Variants in NBAS observed in about 807,000 individuals in gnomAD.
The protein encoded by NBAS is NAG/BC035112 fusion.
Under a neutral mutation model 302.5 loss-of-function variants are expected in NBAS, and 219 were observed. The observed-to-expected ratio is 0.72, with a 90% CI of 0.65 to 0.81. The LOEUF is 0.81. Ranked by LOEUF, NBAS falls within the 30% of genes least tolerant of loss-of-function variation. The probability of loss-of-function intolerance (pLI) is 0.00; values close to 1 mark genes in which losing one functional copy is unlikely to be tolerated. For synonymous variants in NBAS, 1,118 were observed against 1,021.6 expected, an observed-to-expected ratio of 1.09 and a Z score of -1.80; for missense variants, 2,932 against 2,841.6, an observed-to-expected ratio of 1.03 and a Z score of -0.72.
At chr2:15,139,730 C>T in the NBAS span, among the ~76,000 whole-genome samples, 2 of 152,140 alleles carry the variant, frequency 1.3e-5, no homozygotes, top group Non-Finnish European at 2.9e-5. Context: ...AGTAGTCCTT[C>T]ATCTGAGAAT....
the NBAS span, among the ~76,000 whole-genome samples, chr2:15,150,219 T>A: frequency 6.6e-6 from 1 of 152,198 alleles, no homozygotes; most frequent in Non-Finnish European, 1.5e-5. Flanking sequence ...AGAAATGGTA[T>A]GAAATTCCTA....
the NBAS span, among the ~76,000 whole-genome samples, chr2:15,055,402 T>C: frequency 6.6e-6 from 1 of 152,168 alleles, no homozygotes; most frequent in Non-Finnish European, 1.5e-5. Context: ...GCCCTTCTTC[T>C]ACCTTCTCCT....
At chr2:15,188,253 T>C (rs1274370653) in intron 49 of NBAS, among the ~76,000 whole-genome samples, 1 of 152,252 alleles carries the variant, frequency 6.6e-6, no homozygotes, top group Non-Finnish European at 1.5e-5. Context: ...AAACCAAAGT[T>C]GGTACTAGTA....
chr2:15,386,108 A>G lies in NBAS; in HGVS notation c.3258-2791T>C, dbSNP rs150531357. The stretch of plus-strand genomic sequence containing the variant: ...TTCCTAACTGAGGTGTATGGTGGCT[A>G]TAACACTTGCACTGGAGAAATTATG... On this transcript the variant is annotated intron_variant, in intron 28 of 51. Transcript: ENST00000281513. Among the ~76,000 whole-genome samples the G allele has an allele frequency of 5.1e-3, 774 of 152,326 alleles. 9 individuals carry two copies. Among genetic ancestry groups the G allele is most frequent in the African/African-American group, 0.017 (707 of 41,572 alleles).
At chr2:15,484,929 C>T (rs1680562688) in intron 12 of NBAS, among the ~76,000 whole-genome samples, 1 of 152,088 alleles carries the variant, frequency 6.6e-6, no homozygotes, top group African/African-American at 2.4e-5. Context: ...CTATAATACA[C>T]TAGATTTTAG....
Position 15,366,679 on chromosome 2 carries a change from C to A in NBAS, c.3718G>T (p.Asp1240Tyr). ...ILPLQVRLCP[D>Y]RISLIKECIS... ...CACTCCTTGATGAGACTGATCCGAT[C>A]AGGGCACAATCGCACTACAAAAGAA... Residue 1240 changes from aspartate (D) to tyrosine (Y), a missense_variant, in exon 32 of 52, where the codon GAT (aspartate) becomes TAT (tyrosine). Coordinates refer to ENST00000281513, the MANE Select transcript of NBAS (RefSeq NM_015909.4). 1 of 1,613,998 alleles carries A rather than the reference C, an allele frequency of 6.2e-7. No homozygotes were observed. Among genetic ancestry groups the A allele is most frequent in the Non-Finnish European group, 8.5e-7 (1 of 1,179,958 alleles).
In NBAS at chr2:15,327,795, A is replaced by G. The variant is rs987872712; in HGVS notation, c.4537T>C (p.Leu1513=). 85 of 1,613,508 alleles carry G rather than the reference A, an allele frequency of 5.3e-5. No homozygotes were observed. The highest frequency in any genetic ancestry group is 6.3e-5 in the Non-Finnish European group (74 of 1,179,792). The stretch of plus-strand genomic sequence containing the variant: ...TCTCCTTTATTTTTAGCCTCTGCCA[A>G]TTTTCCAGTTCTCAGCAATACTTCT... ...FAEVLLRTGK[L]AEAKNKGEVF... The change falls in exon 38 of 52, where the codon TTG becomes CTG. Residue 1513 remains leucine (L), a synonymous_variant. Transcript: ENST00000281513.
chr2:15,081,226 G>A, the NBAS span, among the ~76,000 whole-genome samples: 1 of 152,032 alleles, frequency 6.6e-6, no homozygotes, highest in African/African-American at 2.4e-5. Context: ...TTAGGATTTT[G>A]ACTTGGTGCT....
At chr2:14,809,820 G>A in the NBAS span, among the ~76,000 whole-genome samples, 1 of 152,208 alleles carries the variant, frequency 6.6e-6, no homozygotes, top group African/African-American at 2.4e-5. Flanking sequence ...GCAGTCAGGA[G>A]GGAGGATATA....
the NBAS span, among the ~76,000 whole-genome samples, chr2:14,794,872 T>C: frequency 6.6e-6 from 1 of 152,246 alleles, no homozygotes; most frequent in Non-Finnish European, 1.5e-5. Context: ...TACCTTTTTA[T>C]GTCTGGTTTC....
chr2:15,086,152 T>G, the NBAS span, among the ~76,000 whole-genome samples: 1 of 151,934 alleles, frequency 6.6e-6, no homozygotes, highest in Non-Finnish European at 1.5e-5. Context: ...CCCATGCACT[T>G]CCTCCCCTCC....
chr2:15,161,787 G>C, the NBAS span, among the ~76,000 whole-genome samples: 1 of 152,194 alleles, frequency 6.6e-6, no homozygotes, highest in Non-Finnish European at 1.5e-5. Context: ...TGTCCTCCCA[G>C]AAAGTCATAA....
In NBAS at chr2:15,467,505, T is replaced by G. The variant is rs1679773725; in HGVS notation, c.2019-98A>C. ...ATTAATATTCCGTTGAGCCCAAAACTCATGAAACAGTTCAGAAAAGCACAA... is the reference window on the plus strand; with the variant it reads ...ATTAATATTCCGTTGAGCCCAAAACGCATGAAACAGTTCAGAAAAGCACAA... On this transcript the variant is annotated intron_variant, in intron 18 of 51. Transcript: ENST00000281513. 4 of 1,313,152 alleles carry G rather than the reference T, an allele frequency of 3.0e-6. No homozygotes were observed. In the Admixed American group the frequency reaches 7.1e-5, roughly 23 times the overall value. 81.3% of individuals were successfully genotyped at this position (1,313,152 alleles called of 1,614,324 possible). A position where few individuals can be genotyped will look rare whatever the true frequency, so the allele number is the denominator to read the frequency against.
intron 9 of NBAS, among the ~76,000 whole-genome samples, chr2:15,528,513 C>T (rs375949276): frequency 1.4e-4 from 12 of 84,550 alleles, no homozygotes; most frequent in Middle Eastern, 0.012. Context: ...TACATATATA[C>T]ACACACACAC....
chr2:14,840,206 C>T, the NBAS span, among the ~76,000 whole-genome samples: 1 of 151,506 alleles, frequency 6.6e-6, no homozygotes, highest in South Asian at 2.1e-4. Context: ...TCAATAAGCT[C>T]AAAGATACAC....
chr2:15,037,660 A>C, the NBAS span, among the ~76,000 whole-genome samples: 1 of 152,252 alleles, frequency 6.6e-6, no homozygotes, highest in Non-Finnish European at 1.5e-5. Context: ...AGACAAATAC[A>C]GTACCATGGA....
intron 42 of NBAS, among the ~76,000 whole-genome samples, chr2:15,278,327 C>T (rs1309673584): frequency 6.6e-6 from 1 of 152,150 alleles, no homozygotes; most frequent in Non-Finnish European, 1.5e-5. Context: ...ACAAGAATAT[C>T]TCTATCTATA....
intron 44 of NBAS, among the ~76,000 whole-genome samples, chr2:15,269,737 C>T (rs1669232553): frequency 6.6e-6 from 1 of 152,140 alleles, no homozygotes. Context: ...CAAAATCATA[C>T]CTGGGAAATA....
chr2:15,305,086 G>A (rs1670968068), intron 40 of NBAS, among the ~76,000 whole-genome samples: 1 of 152,260 alleles, frequency 6.6e-6, no homozygotes, highest in East Asian at 1.9e-4. Context: ...ATGTGAAAGG[G>A]ATATGAGATT....
Sources: gnomAD v4.1 joint callset for allele counts (sites outside exome capture counted in the v4.1 genomes callset) on GRCh38, gnomAD v4.1.1 for gene constraint, MANE v1.5 for transcripts, NCBI Gene and HGNC (gene_info 2026-07-23, HGNC 2026-07-21) for gene names.